Variants in KAZN observed in about 807,000 individuals in gnomAD.
KAZN encodes the protein kazrin, periplakin interacting protein, also known as kazrin.
A neutral mutation model predicts 87.4 loss-of-function variants in KAZN; 40 were observed. That is an observed-to-expected ratio of 0.46 (90% CI 0.36 to 0.60). The LOEUF (loss-of-function observed/expected upper bound fraction) is 0.60. Ranked by LOEUF, KAZN falls within the 20% of genes least tolerant of loss-of-function variation. KAZN has a pLI of 0.00. For synonymous variants in KAZN, 466 were observed against 458.3 expected (o/e 1.02, Z -0.22); for missense variants, 898 against 1,073.9 (o/e 0.84, Z 2.29).
At chr1:14,444,572 CAA>C in intron 2 of KAZN, among the ~76,000 whole-genome samples, 1 of 152,244 alleles carries the variant, frequency 6.6e-6, no homozygotes, top group East Asian at 1.9e-4. Context: ...CTTGGCCTCC[CAA>C]AGTGTTGGGA....
intron 1 of KAZN, among the ~76,000 whole-genome samples, chr1:13,989,667 A>G (rs1022290144): frequency 1.3e-5 from 2 of 152,170 alleles, no homozygotes; most frequent in African/African-American, 4.8e-5. Context: ...GAAAGGCAAG[A>G]TTCTGTACTA....
At chr1:14,052,769 C>T (rs1012636476) in intron 1 of KAZN, among the ~76,000 whole-genome samples, 8 of 152,148 alleles carry the variant, frequency 5.3e-5, no homozygotes, top group African/African-American at 1.4e-4. Flanking sequence ...AAGTGACATT[C>T]GAGCAAGGAG....
intron 1 of KAZN, among the ~76,000 whole-genome samples, chr1:14,071,353 C>A (rs1156870283): frequency 6.6e-6 from 1 of 152,104 alleles, no homozygotes; most frequent in Non-Finnish European, 1.5e-5. Context: ...GTTTGGCTGG[C>A]TGAAGGAACA....
chr1:14,817,055 C>A (rs1238428771), intron 1 of KAZN, among the ~76,000 whole-genome samples: 2 of 152,210 alleles, frequency 1.3e-5, no homozygotes, highest in Non-Finnish European at 2.9e-5. Context: ...TCAGACCACG[C>A]CCTCCTGCCT....
chr1:14,393,537 A>G (rs1273150845), intron 2 of KAZN, among the ~76,000 whole-genome samples: 1 of 152,154 alleles, frequency 6.6e-6, no homozygotes, highest in African/African-American at 2.4e-5. Context: ...GCTTTGTAGA[A>G]TAATAGTTCA....
intron 2 of KAZN, among the ~76,000 whole-genome samples, chr1:14,575,300 G>A (rs1224634347): frequency 6.6e-6 from 1 of 152,062 alleles, no homozygotes; most frequent in Non-Finnish European, 1.5e-5. Flanking sequence ...AAGATTTAAT[G>A]GACTCACAGT....
intron 1 of KAZN, among the ~76,000 whole-genome samples, chr1:14,008,431 C>T (rs182961996): frequency 1.3e-5 from 2 of 152,302 alleles, no homozygotes; most frequent in Admixed American, 1.3e-4. Flanking sequence ...AAGGGGACTT[C>T]CCTGGATTTC....
chr1:14,467,674 C>CAAAAAAAAAAA (rs36034022), intron 2 of KAZN, among the ~76,000 whole-genome samples: 2 of 77,340 alleles, frequency 2.6e-5, no homozygotes, highest in African/African-American at 5.1e-5. Context: ...ATCCAAAAGG[C>CAAAAAAAAAAA]AAAAAAAAAA....
At chr1:13,931,359 G>A (rs765904099) in intron 1 of KAZN, among the ~76,000 whole-genome samples, 1 of 152,086 alleles carries the variant, frequency 6.6e-6, no homozygotes, top group South Asian at 2.1e-4. Flanking sequence ...TGTTTTAATC[G>A]CTGTGCTTTG....
intron 1 of KAZN, among the ~76,000 whole-genome samples, chr1:13,904,005 G>A (rs182173176): frequency 2.6e-4 from 40 of 152,258 alleles, no homozygotes; most frequent in Middle Eastern, 3.4e-3. Flanking sequence ...GAACCACTCC[G>A]CACAGAGACA....
At chr1:15,000,654 A>G (rs778191323) in intron 2 of KAZN, among the ~76,000 whole-genome samples, 2 of 151,872 alleles carry the variant, frequency 1.3e-5, no homozygotes, top group Non-Finnish European at 2.9e-5. Context: ...ATTTTTGAGG[A>G]TGGGAAGGAC....
chr1:14,953,682 AC>A (rs2101723853), intron 1 of KAZN, among the ~76,000 whole-genome samples: 1 of 152,216 alleles, frequency 6.6e-6, no homozygotes, highest in African/African-American at 2.4e-5. Flanking sequence ...TGTTACTTAG[AC>A]CTTTGGCTTG....
At position 14,616,588 on chromosome 1, in the gene KAZN, A is replaced by G. The variant is rs189930378; in HGVS notation, c.226+17365A>G. On this transcript the variant is annotated intron_variant, in intron 1 of 14. Coordinates refer to ENST00000376030, the MANE Select transcript of KAZN (RefSeq NM_201628.3). ...GGCTGGGCCCCTCTGCCCATAAATC[A>G]GCGTCAGCGAAGGCTCATTCCCCTG... is the stretch of plus-strand genomic sequence containing the variant. 4.9e-4 allele frequency among the ~76,000 whole-genome samples: 74 copies of G among 152,242 alleles called. 1 individual carries two copies. Among genetic ancestry groups the G allele is most frequent in the African/African-American group, 1.7e-3 (72 of 41,520 alleles).
chr1:14,209,507 A>C (rs907624038), intron 2 of KAZN, among the ~76,000 whole-genome samples: 3 of 152,226 alleles, frequency 2.0e-5, no homozygotes, highest in African/African-American at 7.2e-5. Flanking sequence ...TTTTAAATTT[A>C]TATGCATTTT....
chr1:13,905,473 T>C (rs1639401450), intron 1 of KAZN, among the ~76,000 whole-genome samples: 1 of 152,170 alleles, frequency 6.6e-6, no homozygotes, highest in South Asian at 2.1e-4. Flanking sequence ...TCTCAACCCC[T>C]CTCAATCCAG....
At chr1:14,960,499 G>T (rs544419225) in intron 1 of KAZN, among the ~76,000 whole-genome samples, 185 bp from the exon 2 acceptor site, 4 of 152,164 alleles carry the variant, frequency 2.6e-5, no homozygotes, top group African/African-American at 9.7e-5. Flanking sequence ...TGCAGACTGT[G>T]GGTGGGGCCT....
chr1:14,548,664 G>T (rs139727393), intron 2 of KAZN, among the ~76,000 whole-genome samples: 2 of 152,094 alleles, frequency 1.3e-5, no homozygotes, highest in Non-Finnish European at 2.9e-5. Flanking sequence ...TTTTGAGCAC[G>T]TTGGCTGCAG....
chr1:15,003,102 G>C (rs1573032937), intron 2 of KAZN, among the ~76,000 whole-genome samples: 1 of 122,850 alleles, frequency 8.1e-6, no homozygotes, highest in African/African-American at 2.9e-5. Context: ...GGCACCAAAG[G>C]CCCCACGGCT....
intron 1 of KAZN, among the ~76,000 whole-genome samples, chr1:14,901,529 AG>A (rs1369291467): frequency 2.6e-5 from 4 of 152,142 alleles, no homozygotes; most frequent in Non-Finnish European, 5.9e-5. Context: ...GAGAATGGGC[AG>A]GGAGTCAGAT....
Sources: gnomAD v4.1 joint callset for allele counts (sites outside exome capture counted in the v4.1 genomes callset) on GRCh38, gnomAD v4.1.1 for gene constraint, MANE v1.5 for transcripts, NCBI Gene and HGNC (gene_info 2026-07-23, HGNC 2026-07-21) for gene names.